The following EYS variants were observed in gnomAD, a reference collection of about 807,000 sequenced individuals.
The protein encoded by EYS is protein eyes shut homolog.
EYS carries 250 observed loss-of-function variants against 282.1 expected under a neutral mutation model. The observed-to-expected ratio is 0.89, with a 90% CI of 0.80 to 0.98. EYS has a LOEUF of 0.98. EYS is among the 50% of genes least tolerant of loss of function. The pLI is 0.00. For missense variants in EYS, 4,016 were observed against 3,709.0 expected (o/e 1.08, Z -2.15); for synonymous variants, 1,355 against 1,282.9 (o/e 1.06, Z -1.20).
At chr6:64,404,098 A>C (rs1046372340) in intron 28 of EYS, among the ~76,000 whole-genome samples, 1 of 152,158 alleles carries the variant, frequency 6.6e-6, no homozygotes, top group African/African-American at 2.4e-5. Flanking sequence ...CCCTAGTCAG[A>C]TTAGTCACAT....
chr6:63,745,404 A>G (rs1355086229), intron 41 of EYS, among the ~76,000 whole-genome samples: 1 of 152,240 alleles, frequency 6.6e-6, no homozygotes, highest in African/African-American at 2.4e-5. Flanking sequence ...GAGGAAAAGA[A>G]GAAACTGCCT....
chr6:65,643,906 C>CA (rs1398085208), intron 1 of EYS, among the ~76,000 whole-genome samples: 1 of 151,930 alleles, frequency 6.6e-6, no homozygotes, highest in African/African-American at 2.4e-5. Context: ...CGCGGTGGGA[C>CA]AAAAAAATCT....
chr6:64,287,856 T>C (rs561670633), intron 30 of EYS, among the ~76,000 whole-genome samples: 1 of 152,262 alleles, frequency 6.6e-6, no homozygotes, highest in Non-Finnish European at 1.5e-5. Context: ...AGTAACCCTA[T>C]GGAGACAACA....
At chr6:64,416,950 A>C (rs1774075941) in intron 28 of EYS, among the ~76,000 whole-genome samples, 1 of 152,182 alleles carries the variant, frequency 6.6e-6, no homozygotes, top group African/African-American at 2.4e-5. Flanking sequence ...AAAACTGAGA[A>C]GTTGTGGGAC....
chr6:64,665,750 C>A (rs1425527371), intron 22 of EYS, among the ~76,000 whole-genome samples: 1 of 152,130 alleles, frequency 6.6e-6, no homozygotes, highest in Non-Finnish European at 1.5e-5. Context: ...GAGTTCTGTT[C>A]CTACTGTTCT....
At chr6:64,738,518 GA>G (rs1454198634) in intron 22 of EYS, among the ~76,000 whole-genome samples, 5 of 152,222 alleles carry the variant, frequency 3.3e-5, no homozygotes, top group South Asian at 2.1e-4. Context: ...TTATGGCAGT[GA>G]AAAACAGACT....
chr6:64,136,558 T>C (rs1486764865), intron 31 of EYS, among the ~76,000 whole-genome samples: 1 of 152,144 alleles, frequency 6.6e-6, no homozygotes, highest in Non-Finnish European at 1.5e-5. Flanking sequence ...AATTACCCCT[T>C]AATCCAATGA....
At chr6:65,593,873 G>C (rs907238097) in intron 2 of EYS, among the ~76,000 whole-genome samples, 3 of 151,756 alleles carry the variant, frequency 2.0e-5, no homozygotes, top group African/African-American at 7.3e-5. Context: ...GAATGTACCA[G>C]GTATTGTTCC....
intron 19 of EYS, among the ~76,000 whole-genome samples, chr6:64,863,486 T>G (rs1766314585): frequency 6.6e-6 from 1 of 152,202 alleles, no homozygotes. Flanking sequence ...TTAAAAAAAT[T>G]TATGCTGAAT....
intron 12 of EYS, among the ~76,000 whole-genome samples, chr6:65,148,595 T>C (rs1000731349): frequency 6.6e-6 from 1 of 152,118 alleles, no homozygotes; most frequent in Admixed American, 6.5e-5. Flanking sequence ...CTTTAGTGTA[T>C]CTACTGTTCT....
intron 31 of EYS, among the ~76,000 whole-genome samples, chr6:64,206,809 T>C (rs1210733449): frequency 1.3e-5 from 2 of 152,208 alleles, no homozygotes; most frequent in Non-Finnish European, 2.9e-5. Flanking sequence ...AGTTTGAATG[T>C]TTCCTCCAAA....
intron 12 of EYS, among the ~76,000 whole-genome samples, chr6:65,084,272 T>A (rs1356650558): frequency 2.0e-5 from 3 of 152,236 alleles, no homozygotes; most frequent in Non-Finnish European, 4.4e-5. Context: ...ATTAATTTAC[T>A]ATGAACTTAC....
intron 22 of EYS, among the ~76,000 whole-genome samples, chr6:64,661,657 G>T (rs1769026675): frequency 6.8e-6 from 1 of 147,484 alleles, no homozygotes; most frequent in Non-Finnish European, 1.5e-5. Context: ...GGCCAACAGA[G>T]AAATGCAAAT....
At chr6:64,222,958 T>TA (rs752508891) in intron 31 of EYS, among the ~76,000 whole-genome samples, 14 of 152,042 alleles carry the variant, frequency 9.2e-5, no homozygotes, top group Middle Eastern at 3.4e-3. Flanking sequence ...AAAAAACTCA[T>TA]AAAAATCATT....
chr6:64,483,013 G>C (rs1776482622), intron 26 of EYS, among the ~76,000 whole-genome samples: 1 of 151,548 alleles, frequency 6.6e-6, no homozygotes, highest in Admixed American at 6.6e-5. Context: ...GATCTACTCT[G>C]TTGGCCACTA....
In EYS at chr6:65,523,692, T is replaced by A. The variant is rs191867864; in HGVS notation, c.-332-27699A>T. Among the ~76,000 whole-genome samples the A allele has an allele frequency of 1.5e-3, 227 of 152,184 alleles. 1 individual carries two copies. Among genetic ancestry groups the A allele is most frequent in the South Asian group, 3.7e-3 (18 of 4,818 alleles). On this transcript the variant is annotated intron_variant, in intron 2 of 42. Transcript: ENST00000503581. ...CAATTTTATTAAAAATAACTTTTTTTAAAAAAAAGTTTAAATGTTTATATA... is the reference window on the plus strand; with the variant it reads ...CAATTTTATTAAAAATAACTTTTTTAAAAAAAAAGTTTAAATGTTTATATA...
intron 31 of EYS, among the ~76,000 whole-genome samples, chr6:64,114,270 A>G (rs113392256): frequency 0.042 from 6,408 of 152,190 alleles, 396 homozygotes; most frequent in African/African-American, 0.14. Context: ...TATCCATTAT[A>G]CTTTTTATTT....
chr6:63,841,290 A>G (rs1771950642), intron 36 of EYS, among the ~76,000 whole-genome samples: 1 of 152,206 alleles, frequency 6.6e-6, no homozygotes, highest in South Asian at 2.1e-4. Flanking sequence ...ATACAATATA[A>G]CAGAATCATT....
intron 10 of EYS, among the ~76,000 whole-genome samples, chr6:65,335,922 TG>T (rs1018418083): frequency 6.6e-6 from 1 of 151,694 alleles, no homozygotes; most frequent in Non-Finnish European, 1.5e-5. Context: ...GATTAAATCA[TG>T]GGGGCAGTTT....
Sources: allele counts gnomAD v4.1 joint callset (sites outside exome capture counted in the v4.1 genomes callset), GRCh38; gene constraint gnomAD v4.1.1; transcripts MANE v1.5; gene names NCBI Gene and HGNC (gene_info 2026-07-23, HGNC 2026-07-21).